ARMC9: variants seen among roughly 807,000 people sequenced by gnomAD.
ARMC9 encodes the protein armadillo repeat containing 9.
Under a neutral mutation model 107.0 loss-of-function variants are expected in ARMC9, and 94 were observed. The observed-to-expected ratio is 0.88, with a 90% CI of 0.74 to 1.04. The LOEUF (loss-of-function observed/expected upper bound fraction) is 1.04, where lower values mean the gene tolerates loss of function less well. Among genes scored for constraint, ARMC9 ranks in the 50% least tolerant of loss-of-function variants. The pLI, the probability that ARMC9 is intolerant of heterozygous loss-of-function variation, is 0.00. For missense variants in ARMC9, 942 were observed against 1,030.1 expected (o/e 0.91, Z 1.17); for synonymous variants, 380 against 396.9 (o/e 0.96, Z 0.51).
chr2:231,214,990 G>A lies in ARMC9; in HGVS notation c.337G>A (p.Val113Met), dbSNP rs1382869745. The A allele has an allele frequency of 1.2e-6, 2 of 1,614,008 alleles. No homozygotes were observed. Among genetic ancestry groups the A allele is most frequent in the African/African-American group, 1.3e-5 (1 of 74,910 alleles). The change falls in exon 4 of 25, where the codon GTG becomes ATG. Residue 113 changes from valine to methionine, a missense_variant. Coordinates refer to ENST00000611582, the MANE Select transcript of ARMC9 (RefSeq NM_001352754.2). Reference protein sequence around the residue: ...HFAIYLLKYSVGRPDKEELDE... With the variant: ...HFAIYLLKYSMGRPDKEELDE... The stretch of plus-strand genomic sequence containing the variant: ...TGCCATCTATCTTTTGAAGTACTCT[G>A]TGGGGAGACCGGTGGGTTTACCTGG...
chr2:231,267,718 T>G (rs373370241), intron 12 of ARMC9, among the ~76,000 whole-genome samples: 5 of 152,140 alleles, frequency 3.3e-5, no homozygotes, highest in African/African-American at 7.2e-5. Flanking sequence ...CTAGCACTGT[T>G]TAGGGTTATC....
chr2:231,324,329 T>C (rs2043185808), intron 19 of ARMC9, among the ~76,000 whole-genome samples: 2 of 151,424 alleles, frequency 1.3e-5, no homozygotes, highest in South Asian at 4.2e-4. Context: ...GGTTTCACCA[T>C]ATTGGCCAGG....
intron 5 of ARMC9, among the ~76,000 whole-genome samples, chr2:231,220,829 G>A (rs763729067): frequency 6.6e-6 from 1 of 152,180 alleles, no homozygotes; most frequent in Non-Finnish European, 1.5e-5. Context: ...GCATCATAAA[G>A]TAAGTAATTA....
chr2:231,206,948 C>T (rs190055575), intron 2 of ARMC9, among the ~76,000 whole-genome samples: 19 of 152,334 alleles, frequency 1.2e-4, no homozygotes, highest in Admixed American at 9.8e-4. Context: ...CACCGTGCAA[C>T]TGCAGATTTG....
intron 6 of ARMC9, among the ~76,000 whole-genome samples, chr2:231,223,981 C>T (rs2034404531): frequency 6.6e-6 from 1 of 152,078 alleles, no homozygotes; most frequent in African/African-American, 2.4e-5. Context: ...CATTTCTCAG[C>T]TTAATTTTTT....
chr2:231,259,403 G>T (rs928750856), intron 11 of ARMC9, among the ~76,000 whole-genome samples: 1 of 152,166 alleles, frequency 6.6e-6, no homozygotes, highest in African/African-American at 2.4e-5. Context: ...GTGTGAGTGC[G>T]TGGAGTCAGG....
intron 20 of ARMC9, among the ~76,000 whole-genome samples, chr2:231,340,517 T>C (rs2044431838): frequency 1.3e-5 from 2 of 151,858 alleles, no homozygotes; most frequent in African/African-American, 4.8e-5. Context: ...CTAGAGACCA[T>C]TCCTACACCA....
At chr2:231,366,584 T>A (rs1050146833) in intron 23 of ARMC9, among the ~76,000 whole-genome samples, 1 of 151,996 alleles carries the variant, frequency 6.6e-6, no homozygotes, top group Non-Finnish European at 1.5e-5. Context: ...GGCTCACGCC[T>A]GTAATCCCAG....
intron 19 of ARMC9, among the ~76,000 whole-genome samples, chr2:231,316,708 G>A (rs1489860948): frequency 6.6e-6 from 1 of 151,864 alleles, no homozygotes; most frequent in African/African-American, 2.4e-5. Flanking sequence ...TAGTCAACAG[G>A]TGTTTTTTCC....
At chr2:231,272,436 C>G (rs1226244414) in intron 13 of ARMC9, among the ~76,000 whole-genome samples, 1 of 152,180 alleles carries the variant, frequency 6.6e-6, no homozygotes, top group Non-Finnish European at 1.5e-5. Flanking sequence ...CTCAAACAGT[C>G]TACCTGCCTC....
chr2:231,286,422 G>T (rs1038386576), intron 17 of ARMC9, among the ~76,000 whole-genome samples: 1 of 152,130 alleles, frequency 6.6e-6, no homozygotes, highest in Non-Finnish European at 1.5e-5. Flanking sequence ...GTGCCTGCTG[G>T]TATTTGTATG....
chr2:231,336,868 C>T (rs555098638), intron 20 of ARMC9, among the ~76,000 whole-genome samples: 2 of 152,260 alleles, frequency 1.3e-5, no homozygotes, highest in Admixed American at 1.3e-4. Flanking sequence ...ATGGAGCTGC[C>T]CCCAGCCTGT....
chr2:231,217,147 T>C (rs545149772), intron 5 of ARMC9, among the ~76,000 whole-genome samples: 2 of 152,186 alleles, frequency 1.3e-5, no homozygotes, highest in Non-Finnish European at 2.9e-5. Flanking sequence ...ATATTATACA[T>C]CAATGAGAAT....
intron 18 of ARMC9, chr2:231,294,098 A>T (rs2041202434): frequency 6.6e-6 from 1 of 152,246 alleles, no homozygotes; most frequent in Non-Finnish European, 1.5e-5. Context: ...TCCAAGTCCA[A>T]TCACAGTCTT....
rs144716686 is a variant in ARMC9 at position 231,278,665 on chromosome 2, C to T, written c.1551+207C>T. ...GAAGTCAGAAGCAGGATGTTCTTTC[C>T]GTCCCTGTCTGCTTGGCCCACTGGC... On this transcript the variant is annotated intron_variant, in intron 16 of 24. Coordinates refer to ENST00000611582, the MANE Select transcript of ARMC9 (RefSeq NM_001352754.2). Among the ~76,000 whole-genome samples, 87 of 152,282 alleles carry T rather than the reference C, an allele frequency of 5.7e-4. 1 individual carries two copies. The highest frequency in any genetic ancestry group is 3.5e-3 in the Admixed American group (53 of 15,300).
chr2:231,261,926 C>G (rs1351817358), intron 11 of ARMC9, among the ~76,000 whole-genome samples: 1 of 151,920 alleles, frequency 6.6e-6, no homozygotes, highest in Non-Finnish European at 1.5e-5. Flanking sequence ...GGGTTCACGC[C>G]ATTCTCCTGC....
At chr2:231,263,269 T>C (rs1342330811) in intron 12 of ARMC9, among the ~76,000 whole-genome samples, 1 of 152,212 alleles carries the variant, frequency 6.6e-6, no homozygotes, top group African/African-American at 2.4e-5. Flanking sequence ...ACAGCTGTCT[T>C]AGGCCATTTC....
Position 231,369,989 on chromosome 2 carries a change from C to T in ARMC9, c.2298C>T (p.Ala766=), listed in dbSNP as rs1211964493. ...CASAFTCKPR[A]PCTPEMLDWN... ...CAGCCTTCACCTGCAAGCCCCGGGC[C>T]CCCTGCACTCCAGAGATGCTGGACT... The change falls in exon 24 of 25, where the codon GCC becomes GCT. Residue 766 remains alanine (A), a synonymous_variant. Coordinates refer to ENST00000611582, the MANE Select transcript of ARMC9 (RefSeq NM_001352754.2). 3 of 1,531,870 alleles carry T rather than the reference C, an allele frequency of 2.0e-6. No homozygotes were observed. Among genetic ancestry groups the T allele is most frequent in the Admixed American group, 2.0e-5 (1 of 50,692 alleles). 94.9% of individuals were successfully genotyped at this position (1,531,870 alleles called of 1,614,324 possible).
Position 231,373,906 on chromosome 2 carries a change from A to AG in ARMC9, c.*2371_*2372insG. 2 of 152,258 alleles carry AG rather than the reference A, an allele frequency of 1.3e-5. No homozygotes were observed. Among genetic ancestry groups the AG allele is most frequent in the East Asian group, 3.9e-4 (2 of 5,178 alleles). The allele number at this position is 152,258 out of a possible 1,614,324, so 9.4% of individuals were successfully genotyped here. ...GACAGAGACTCCGTCAAAAAAAAAA[A>AG]AAAAATACATTGAGATTACCAGGTG... On this transcript the variant is annotated 3_prime_UTR_variant, in exon 25 of 25. Coordinates refer to ENST00000611582, the MANE Select transcript of ARMC9 (RefSeq NM_001352754.2). This position sits in a 1 kb window ranked among gnomAD's most constrained non-coding sequence, Gnocchi z 4.4.
Sources: gnomAD v4.1 joint callset for allele counts (sites outside exome capture counted in the v4.1 genomes callset) on GRCh38, gnomAD v4.1.1 for gene constraint, Gnocchi (gnomAD v3.1) non-coding constraint, MANE v1.5 for transcripts, NCBI Gene and HGNC (gene_info 2026-07-23, HGNC 2026-07-21) for gene names.